GATAD1: variants seen among roughly 807,000 people sequenced by gnomAD.
GATAD1 encodes the protein GATA zinc finger domain containing 1.
In GATAD1, 12 loss-of-function variants were observed where a neutral mutation model predicts 26.5. The observed-to-expected ratio is 0.45, with a 90% CI of 0.29 to 0.73. GATAD1 has a LOEUF of 0.73. Ranked by LOEUF, GATAD1 falls within the 30% of genes least tolerant of loss-of-function variation. The probability of loss-of-function intolerance (pLI) is 0.10; values close to 1 mark genes in which losing one functional copy is unlikely to be tolerated. For synonymous variants in GATAD1, 129 were observed against 133.1 expected, an observed-to-expected ratio of 0.97 and a Z score of 0.21; for missense variants, 266 against 342.1, an observed-to-expected ratio of 0.78 and a Z score of 1.75.
chr7:92,454,895 C>T (rs1789604158), intron 4 of GATAD1, among the ~76,000 whole-genome samples: 1 of 152,078 alleles, frequency 6.6e-6, no homozygotes, highest in Admixed American at 6.6e-5. Context: ...GCTTTTCTTC[C>T]TGGCATATAG....
intron 4 of GATAD1, 66 bp downstream of exon 4, chr7:92,454,751 G>C: frequency 8.8e-7 from 1 of 1,133,720 alleles, no homozygotes; most frequent in Non-Finnish European, 1.3e-6. Flanking sequence ...ATGTAAAAGA[G>C]TGTGTTAGTC....
At chr7:92,449,195 TG>T in intron 2 of GATAD1, 1 of 1,018,924 alleles carries the variant, frequency 9.8e-7, no homozygotes, top group Non-Finnish European at 1.2e-6. Flanking sequence ...GGAGAGATTA[TG>T]GTTCTTGATA....
At chr7:92,485,746 A>G in the GATAD1 span, among the ~76,000 whole-genome samples, 3 of 152,224 alleles carry the variant, frequency 2.0e-5, no homozygotes, top group Non-Finnish European at 4.4e-5. Context: ...CCAAGGGAAC[A>G]GAATTGTTAA....
intron 4 of GATAD1, among the ~76,000 whole-genome samples, chr7:92,455,606 T>C (rs772343369): frequency 8.5e-5 from 13 of 152,220 alleles, no homozygotes; most frequent in Non-Finnish European, 1.6e-4. Context: ...ATTTTTACAG[T>C]TACTTCAGAC....
chr7:92,466,441 A>G, the GATAD1 span, among the ~76,000 whole-genome samples: 1 of 152,208 alleles, frequency 6.6e-6, no homozygotes, highest in Non-Finnish European at 1.5e-5. Context: ...GATTACAGGC[A>G]TAAGCCACCA....
the GATAD1 span, among the ~76,000 whole-genome samples, chr7:92,473,598 C>T: frequency 6.6e-6 from 1 of 152,034 alleles, no homozygotes; most frequent in Non-Finnish European, 1.5e-5. Context: ...TAGAATGTCT[C>T]TCCCTAACAA....
chr7:92,464,414 T>G (rs1251860890), downstream of GATAD1, among the ~76,000 whole-genome samples: 1 of 152,188 alleles, frequency 6.6e-6, no homozygotes, highest in East Asian at 1.9e-4. Flanking sequence ...GGACAAACTG[T>G]TAGGCAGGTG....
At chr7:92,494,262 G>T in the GATAD1 span, 2 of 1,470,554 alleles carry the variant, frequency 1.4e-6, no homozygotes, top group Non-Finnish European at 1.9e-6. Flanking sequence ...AGCATTTGTT[G>T]GGTTTTGGAC....
At chr7:92,485,932 A>C in the GATAD1 span, among the ~76,000 whole-genome samples, 2 of 152,206 alleles carry the variant, frequency 1.3e-5, no homozygotes, top group South Asian at 2.1e-4. Flanking sequence ...GGCCCAAAGA[A>C]TCAGAATATT....
chr7:92,463,802 C>G (rs957027054), downstream of GATAD1, among the ~76,000 whole-genome samples: 1 of 151,998 alleles, frequency 6.6e-6, no homozygotes, highest in Non-Finnish European at 1.5e-5. Context: ...AACCCCATCT[C>G]TATTAAAAAT....
the GATAD1 span, among the ~76,000 whole-genome samples, chr7:92,483,689 C>T: frequency 1.3e-5 from 2 of 152,190 alleles, no homozygotes; most frequent in Admixed American, 6.5e-5. Flanking sequence ...GGAGCATTAA[C>T]CTTGACTATG....
chr7:92,483,037 G>C, the GATAD1 span, among the ~76,000 whole-genome samples: 1 of 152,160 alleles, frequency 6.6e-6, no homozygotes, highest in Non-Finnish European at 1.5e-5. Context: ...TGAAGTGATC[G>C]GGCAGTGTCA....
chr7:92,487,314 T>C, the GATAD1 span: 2 of 570,286 alleles, frequency 3.5e-6, no homozygotes, highest in Non-Finnish European at 6.2e-6. Flanking sequence ...TACATAATTA[T>C]AGCATTTACC....
At chr7:92,451,668 A>G (rs1210520526) in intron 3 of GATAD1, among the ~76,000 whole-genome samples, 1 of 152,264 alleles carries the variant, frequency 6.6e-6, no homozygotes, top group African/African-American at 2.4e-5. Flanking sequence ...AAGTCTGTAC[A>G]CAGGCAAACA....
At position 92,456,761 on chromosome 7, in the gene GATAD1, A is replaced by C. The variant is rs1001566433; in HGVS notation, c.*199A>C. ...ATAGGTATCTTTAAATGAAATTCTT[A>C]GCTGGAAAAGTGACTAAAAAGTTTT... On this transcript the variant is annotated 3_prime_UTR_variant, in exon 5 of 5. Coordinates refer to ENST00000287957, the MANE Select transcript of GATAD1 (RefSeq NM_021167.5). 1 of 458,352 alleles carries C rather than the reference A, an allele frequency of 2.2e-6. No homozygotes were observed. Among genetic ancestry groups the C allele is most frequent in the African/African-American group, 2.0e-5 (1 of 49,830 alleles). The allele number at this position is 458,352 out of a possible 1,614,324, so 28.4% of individuals were successfully genotyped here.
chr7:92,463,853 C>T (rs1014834105), downstream of GATAD1, among the ~76,000 whole-genome samples: 2 of 151,596 alleles, frequency 1.3e-5, no homozygotes, highest in Non-Finnish European at 2.9e-5. Context: ...CCTGTAGTCC[C>T]AGCTGCTGGG....
At chr7:92,474,254 C>A in the GATAD1 span, among the ~76,000 whole-genome samples, 1 of 152,028 alleles carries the variant, frequency 6.6e-6, no homozygotes, top group Non-Finnish European at 1.5e-5. Flanking sequence ...TCCGGGCCTA[C>A]GGCAGACTTT....
the GATAD1 span, among the ~76,000 whole-genome samples, chr7:92,483,680 G>A: frequency 6.6e-6 from 1 of 152,230 alleles, no homozygotes; most frequent in Non-Finnish European, 1.5e-5. Flanking sequence ...AAAGAAAAAG[G>A]AGCATTAACC....
At chr7:92,492,258 C>T in the GATAD1 span, among the ~76,000 whole-genome samples, 1 of 152,164 alleles carries the variant, frequency 6.6e-6, no homozygotes, top group African/African-American at 2.4e-5. Flanking sequence ...CCTCCTGCCA[C>T]AGCCTCTCCC....
Sources: gnomAD v4.1 joint callset for allele counts (sites outside exome capture counted in the v4.1 genomes callset) on GRCh38, gnomAD v4.1.1 for gene constraint, MANE v1.5 for transcripts, NCBI Gene and HGNC (gene_info 2026-07-23, HGNC 2026-07-21) for gene names.